Variants in TPST2 observed in about 807,000 individuals in gnomAD.
The protein encoded by TPST2 is protein-tyrosine sulfotransferase 2.
A neutral mutation model predicts 27.8 loss-of-function variants in TPST2; 16 were observed. That is an observed-to-expected ratio of 0.58 (90% CI 0.39 to 0.88). TPST2 has a LOEUF of 0.88. TPST2 is among the 40% of genes least tolerant of loss of function. TPST2 has a pLI of 0.00. For missense variants in TPST2, 464 were observed against 543.1 expected (o/e 0.85, Z 1.45); for synonymous variants, 229 against 231.7 (o/e 0.99, Z 0.10).
At chr22:26,536,110 G>T in intron 4 of TPST2, 178 bp downstream of exon 4, 1 of 929,950 alleles carries the variant, frequency 1.1e-6, no homozygotes, top group Non-Finnish European at 1.7e-6. Context: ...CTTCCCTGCA[G>T]CCCAAGCAAA....
chr22:26,584,979 G>T (rs896720420), intron 1 of TPST2, among the ~76,000 whole-genome samples: 22 of 152,188 alleles, frequency 1.4e-4, no homozygotes, highest in African/African-American at 5.1e-4. Context: ...TAACCCCAGG[G>T]CCTCAGCTTT....
chr22:26,588,871 G>A (rs771245839), intron 1 of TPST2, among the ~76,000 whole-genome samples: 15 of 152,172 alleles, frequency 9.9e-5, no homozygotes, highest in Non-Finnish European at 2.2e-4. Flanking sequence ...AGGCTAGGGA[G>A]AGGTGTCCAC....
chr22:26,540,224 T>C (rs562283966), intron 3 of TPST2, among the ~76,000 whole-genome samples: 24 of 152,294 alleles, frequency 1.6e-4, no homozygotes, highest in Non-Finnish European at 3.1e-4. Context: ...AGAGCTGAGG[T>C]TTGAACCCAG....
At chr22:26,580,178 A>C (rs1928040990) in intron 1 of TPST2, among the ~76,000 whole-genome samples, 1 of 152,142 alleles carries the variant, frequency 6.6e-6, no homozygotes, top group African/African-American at 2.4e-5. Context: ...CAGGAGTTCA[A>C]GGCTGCAATG....
intron 1 of TPST2, among the ~76,000 whole-genome samples, chr22:26,580,831 C>T (rs756517680): frequency 6.6e-6 from 1 of 152,016 alleles, no homozygotes; most frequent in African/African-American, 2.4e-5. Flanking sequence ...AGGCTTTCTC[C>T]GGAAAGTCAT....
chr22:26,577,265 TAA>T (rs35985150), intron 1 of TPST2, among the ~76,000 whole-genome samples: 23 of 127,526 alleles, frequency 1.8e-4, no homozygotes, highest in East Asian at 2.3e-4. Flanking sequence ...ACCCTGTCTT[TAA>T]AAAAAAAAAA....
In TPST2 at chr22:26,538,677, C is replaced by T. The variant is rs550967053; in HGVS notation, c.842+2112G>A. 1.7e-4 allele frequency among the ~76,000 whole-genome samples: 26 copies of T among 152,250 alleles called. No individual in the cohort carries two copies. The South Asian group carries it at 5.2e-3, about 30-fold the overall frequency. ...TCTCTACTAAAAATATAAAAATTAG[C>T]AGAGCGTGGTGGCGGGTGCCTGTAA... On this transcript the variant is annotated intron_variant, in intron 3 of 6. Coordinates refer to ENST00000338754, the MANE Select transcript of TPST2 (RefSeq NM_003595.5).
chr22:26,540,591 C>T (rs1238893462), intron 3 of TPST2, among the ~76,000 whole-genome samples, 198 bp downstream of exon 3: 2 of 152,154 alleles, frequency 1.3e-5, no homozygotes, highest in Admixed American at 6.5e-5. Context: ...AAACAAACAG[C>T]CCACGAAGTT....
intron 1 of TPST2, among the ~76,000 whole-genome samples, chr22:26,559,361 A>G (rs767737675): frequency 6.6e-6 from 1 of 152,232 alleles, no homozygotes; most frequent in African/African-American, 2.4e-5. Context: ...GCGAAACTCC[A>G]TCTCAAAAAA....
In TPST2 at chr22:26,558,897, C is replaced by T. The variant is rs74422888; in HGVS notation, c.-160-14222G>A. Among the ~76,000 whole-genome samples the T allele has an allele frequency of 5.5e-3, 838 of 152,254 alleles. 9 individuals are homozygous for T. The highest frequency in any genetic ancestry group is 0.019 in the African/African-American group (785 of 41,538). On this transcript the variant is annotated intron_variant, in intron 1 of 6. Transcript: ENST00000338754. ...TGTTTAAATAGGACAAGTGATGTTG[C>T]GCTGTGCTAAGCCACACTGGAGCCA...
Position 26,541,295 on chromosome 22 carries a change from G to A in TPST2, c.336C>T (p.Ala112=). The change falls in exon 3 of 7, where the codon GCC becomes GCT. Residue 112 remains alanine, a synonymous_variant. Transcript: ENST00000338754. This position sits in a 1 kb window ranked among gnomAD's most constrained non-coding sequence, Gnocchi z 5.9. The part of the protein sequence containing the change: ...IIPRVLAMRQ[A]WSKSGREKLR... ...GCTTCTCACGGCCAGACTTGGACCAGGCCTGGCGCATGGCCAGCACGCGCG... is the reference window on the plus strand; with the variant it reads ...GCTTCTCACGGCCAGACTTGGACCAAGCCTGGCGCATGGCCAGCACGCGCG... The A allele has an allele frequency of 6.5e-7, 1 of 1,541,884 alleles. No homozygotes were observed. The highest frequency in any genetic ancestry group is 2.3e-5 in the East Asian group (1 of 44,166).
rs548553190 is a variant in TPST2, at chr22:26,542,106, G to A, written c.-88-388C>T. The stretch of plus-strand genomic sequence containing the variant: ...AAATACAAAAAATTAGCTGGGCATG[G>A]TGGCGGGCGCCTGTAGTCCCAGCTA... On this transcript the variant is annotated intron_variant, in intron 2 of 6. Coordinates refer to ENST00000338754, the MANE Select transcript of TPST2 (RefSeq NM_003595.5). Among the ~76,000 whole-genome samples, 32 of 152,208 alleles carry A rather than the reference G, an allele frequency of 2.1e-4. No individual in the cohort carries two copies. The South Asian group carries it at 6.2e-3, about 30-fold the overall frequency.
chr22:26,541,278 C>G lies in TPST2; in HGVS notation c.353G>C (p.Arg118Pro). The G allele has an allele frequency of 2.6e-6, 4 of 1,538,422 alleles. No homozygotes were observed. The highest frequency in any genetic ancestry group is 3.5e-6 in the Non-Finnish European group (4 of 1,140,960). The change falls in exon 3 of 7, where the codon CGT (arginine) becomes CCT (proline). Residue 118 changes from arginine to proline, a missense_variant. Transcript: ENST00000338754. The surrounding 1 kb of genome is among the most constrained non-coding windows in gnomAD (Gnocchi z 5.9). ...CGCCTCATCCAGCCGCAGCTTCTCA[C>G]GGCCAGACTTGGACCAGGCCTGGCG... ...AMRQAWSKSGREKLRLDEAGV... is the reference protein window; with the variant it reads ...AMRQAWSKSGPEKLRLDEAGV...
At chr22:26,533,103 TTTGAGTGGG>T (rs1475806353) in intron 4 of TPST2, among the ~76,000 whole-genome samples, 1 of 152,016 alleles carries the variant, frequency 6.6e-6, no homozygotes, top group African/African-American at 2.4e-5. Flanking sequence ...GGGGGCTTCT[TTTGAGTGGG>T]TGGTCAAGAG....
At chr22:26,576,970 C>G (rs1054946744) in intron 1 of TPST2, among the ~76,000 whole-genome samples, 1 of 151,746 alleles carries the variant, frequency 6.6e-6, no homozygotes, top group African/African-American at 2.4e-5. Context: ...GTGGCAGATG[C>G]CTGTAGTCCC....
chr22:26,580,298 A>G (rs1369402670), intron 1 of TPST2, among the ~76,000 whole-genome samples: 5 of 152,210 alleles, frequency 3.3e-5, no homozygotes, highest in Non-Finnish European at 7.3e-5. Flanking sequence ...GATGAGCACT[A>G]GCAGCAGCCT....
intron 1 of TPST2, among the ~76,000 whole-genome samples, chr22:26,579,283 C>T (rs192441113): frequency 6.6e-6 from 1 of 152,344 alleles, no homozygotes; most frequent in African/African-American, 2.4e-5. Context: ...GCAAAGGCAC[C>T]TACTGCATGC....
At chr22:26,556,494 C>T (rs762426654) in intron 1 of TPST2, among the ~76,000 whole-genome samples, 2 of 152,106 alleles carry the variant, frequency 1.3e-5, no homozygotes, top group South Asian at 2.1e-4. Context: ...GAGCCGAGAT[C>T]GCGTCATTGC....
intron 1 of TPST2, among the ~76,000 whole-genome samples, chr22:26,585,433 T>A (rs1928304985): frequency 6.6e-6 from 1 of 151,866 alleles, no homozygotes; most frequent in Non-Finnish European, 1.5e-5. Context: ...CCACAAATCC[T>A]CCTCTGGCTG....
Sources: gnomAD v4.1 joint callset for allele counts (sites outside exome capture counted in the v4.1 genomes callset) on GRCh38, gnomAD v4.1.1 for gene constraint, Gnocchi (gnomAD v3.1) non-coding constraint, MANE v1.5 for transcripts, NCBI Gene and HGNC (gene_info 2026-07-23, HGNC 2026-07-21) for gene names.